Variants in ZFHX3 observed in about 807,000 individuals in gnomAD.
ZFHX3 encodes zinc finger homeobox 3.
In ZFHX3, 42 loss-of-function variants were observed where a neutral mutation model predicts 279.1. That is an observed-to-expected ratio of 0.15 (90% CI 0.12 to 0.19). The LOEUF (loss-of-function observed/expected upper bound fraction) is 0.19. Among genes scored for constraint, ZFHX3 ranks in the 10% least tolerant of loss-of-function variants. The pLI is 1.00. For missense variants in ZFHX3, 4,981 were observed against 4,754.0 expected, an observed-to-expected ratio of 1.05 and a Z score of -1.40; for synonymous variants, 2,293 against 1,957.8, an observed-to-expected ratio of 1.17 and a Z score of -4.52.
chr16:73,136,203 CTCCTT>C (rs113115980), intron 6 of ZFHX3, among the ~76,000 whole-genome samples: 2 of 152,120 alleles, frequency 1.3e-5, no homozygotes, highest in Non-Finnish European at 2.9e-5. Flanking sequence ...TATCAATTAA[CTCCTT>C]TCCTTTCCTT....
chr16:73,514,027 T>A (rs1358879381), intron 2 of ZFHX3, among the ~76,000 whole-genome samples: 2 of 152,142 alleles, frequency 1.3e-5, no homozygotes, highest in Non-Finnish European at 2.9e-5. Flanking sequence ...GGCAGTCAGA[T>A]CCCAATGTGG....
At chr16:72,898,830 T>C (rs1469347596) in intron 3 of ZFHX3, among the ~76,000 whole-genome samples, 2 of 150,796 alleles carry the variant, frequency 1.3e-5, no homozygotes, top group African/African-American at 4.9e-5. Flanking sequence ...GAACACCCCC[T>C]ACATCTTCCT....
In ZFHX3 at chr16:73,168,080, T is replaced by C. The variant is rs556632948; in HGVS notation, c.-1103-24249A>G. Reference sequence around the variant, plus strand: ...CTTATTTTCCTTCCTTTTCTAATGCTCTTTCTTATACTAGTGAGATGTAGA... The same window carrying C: ...CTTATTTTCCTTCCTTTTCTAATGCCCTTTCTTATACTAGTGAGATGTAGA... On this transcript the variant is annotated intron_variant, in intron 5 of 17. Transcript: ENST00000641206. 3.9e-5 allele frequency among the ~76,000 whole-genome samples: 6 copies of C among 152,326 alleles called. 1 individual carries two copies. Among genetic ancestry groups the C allele is most frequent in the Admixed American group, 2.6e-4 (4 of 15,298 alleles).
intron 5 of ZFHX3, among the ~76,000 whole-genome samples, chr16:72,820,674 G>A (rs1045542706): frequency 6.6e-6 from 1 of 152,128 alleles, no homozygotes; most frequent in Admixed American, 6.5e-5. Context: ...ATAGCTTACT[G>A]CAGCTATGGC....
chr16:73,749,035 A>G (rs406743), intron 1 of ZFHX3, among the ~76,000 whole-genome samples: 16,472 of 151,812 alleles, frequency 0.11, 1,540 homozygotes, highest in African/African-American at 0.26. Flanking sequence ...AGATCCGCCC[A>G]CCTCAACCTC....
At chr16:73,787,814 A>AGTGTGTGT (rs72236616) in intron 1 of ZFHX3, among the ~76,000 whole-genome samples, 2,467 of 138,004 alleles carry the variant, frequency 0.018, 35 homozygotes, top group East Asian at 0.029. Context: ...GTTTTCTTAA[A>AGTGTGTGT]GTGTGTGTGT....
At chr16:73,636,586 A>G (rs2052529191) in intron 2 of ZFHX3, among the ~76,000 whole-genome samples, 1 of 152,224 alleles carries the variant, frequency 6.6e-6, no homozygotes, top group African/African-American at 2.4e-5. Context: ...AGTTAATTTA[A>G]AAAACACAAC....
chr16:73,289,262 G>C (rs1223689960), intron 4 of ZFHX3, among the ~76,000 whole-genome samples: 1 of 151,856 alleles, frequency 6.6e-6, no homozygotes, highest in Non-Finnish European at 1.5e-5. Context: ...TGTGGTTTTA[G>C]TTGGTGATTT....
chr16:73,863,674 G>T (rs745481952), intron 1 of ZFHX3, among the ~76,000 whole-genome samples: 16 of 152,190 alleles, frequency 1.1e-4, no homozygotes, highest in Non-Finnish European at 1.9e-4. Flanking sequence ...CGATGGTCAT[G>T]TGTGCATATA....
intron 5 of ZFHX3, among the ~76,000 whole-genome samples, chr16:73,153,876 G>A (rs1240965669): frequency 1.3e-5 from 2 of 151,756 alleles, no homozygotes; most frequent in East Asian, 3.9e-4. Context: ...AATTATTAAG[G>A]ACAGGCCTTA....
At chr16:73,407,045 A>AT (rs34583410) in intron 3 of ZFHX3, among the ~76,000 whole-genome samples, 26,327 of 151,930 alleles carry the variant, frequency 0.17, 2,624 homozygotes, top group African/African-American at 0.26. Flanking sequence ...AGAAAGGGTG[A>AT]TTTTTTCCTG....
chr16:72,964,004 G>A (rs1961708687), intron 1 of ZFHX3, among the ~76,000 whole-genome samples: 1 of 152,228 alleles, frequency 6.6e-6, no homozygotes. Context: ...GTGAGAAACT[G>A]TTGCCTCCAA....
chr16:73,269,467 A>G (rs1346654340), intron 4 of ZFHX3, among the ~76,000 whole-genome samples: 1 of 150,920 alleles, frequency 6.6e-6, no homozygotes, highest in African/African-American at 2.5e-5. Flanking sequence ...GATGCCTTTG[A>G]GATCCATCTA....
chr16:73,266,502 G>A (rs547092743), intron 4 of ZFHX3, among the ~76,000 whole-genome samples: 1 of 152,162 alleles, frequency 6.6e-6, no homozygotes, highest in Admixed American at 6.5e-5. Context: ...TTTTTACAAT[G>A]CTACTGTGAA....
intron 4 of ZFHX3, among the ~76,000 whole-genome samples, chr16:72,872,004 G>T (rs2038173301): frequency 1.3e-5 from 2 of 152,042 alleles, no homozygotes; most frequent in Non-Finnish European, 2.9e-5. Context: ...AGAATGGCAT[G>T]AACCCGGGAG....
chr16:72,964,460 T>C (rs1961734231), intron 1 of ZFHX3, among the ~76,000 whole-genome samples: 2 of 152,170 alleles, frequency 1.3e-5, no homozygotes, highest in African/African-American at 4.8e-5. Context: ...GAGAGACTTA[T>C]ATTACAATTT....
rs1335590445 is a variant in ZFHX3, at chr16:72,784,732, C to T, written c.*2432G>A. ...TACTTGCTTTTGACACCTTATGCTA[C>T]AACTGGATACTGGTATGAATAGTTA... is the stretch of plus-strand genomic sequence containing the variant. On this transcript the variant is annotated 3_prime_UTR_variant, in exon 10 of 10. Coordinates refer to ENST00000268489, the MANE Select transcript of ZFHX3 (RefSeq NM_006885.4). 1 of 152,448 alleles carries T rather than the reference C, an allele frequency of 6.6e-6. No homozygotes were observed. The highest frequency in any genetic ancestry group is 2.4e-5 in the African/African-American group (1 of 41,408). 9.4% of individuals were successfully genotyped at this position (152,448 alleles called of 1,614,324 possible).
intron 3 of ZFHX3, chr16:73,389,238 A>G (rs2143392301): frequency 6.6e-6 from 1 of 152,022 alleles, no homozygotes; most frequent in Admixed American, 6.6e-5. Context: ...TTGTAAATAA[A>G]GTTTTGCTGG....
In ZFHX3 at chr16:73,752,571, G is replaced by A. The variant is rs529973785; in HGVS notation, c.-1607-72331C>T. On this transcript the variant is annotated intron_variant, in intron 1 of 17. Transcript: ENST00000641206. ...CAACAGCTCCATGTTTCATCTTTTG[G>A]CAGCTATCAATCCCAGCAGGAAAAC... Among the ~76,000 whole-genome samples, 3 of 152,086 alleles carry A rather than the reference G, an allele frequency of 2.0e-5. No individual in the cohort carries two copies. In the East Asian group the frequency reaches 5.8e-4, roughly 29 times the overall value.
Sources: allele counts gnomAD v4.1 joint callset (sites outside exome capture counted in the v4.1 genomes callset), GRCh38; gene constraint gnomAD v4.1.1; transcripts MANE v1.5; gene names NCBI Gene and HGNC (gene_info 2026-07-23, HGNC 2026-07-21).